CEP120: variants seen among roughly 807,000 people sequenced by gnomAD.
CEP120 encodes the protein centrosomal protein of 120 kDa.
Under a neutral mutation model 126.5 loss-of-function variants are expected in CEP120, and 113 were observed. The ratio of observed to expected loss-of-function variants is 0.89; its 90% CI spans 0.77 to 1.04. CEP120 has a LOEUF of 1.04. Ranked by LOEUF, CEP120 falls within the 50% of genes least tolerant of loss-of-function variation. The pLI is 0.00. For missense variants in CEP120, 1,230 were observed against 1,155.7 expected (o/e 1.06, Z -0.93); for synonymous variants, 400 against 394.3 (o/e 1.01, Z -0.17).
chr5:123,419,642 A>G (rs534944826), intron 1 of CEP120, among the ~76,000 whole-genome samples: 19 of 152,284 alleles, frequency 1.2e-4, no homozygotes, highest in African/African-American at 4.3e-4. Flanking sequence ...ACAACACTGT[A>G]CACTATCAGG....
chr5:123,408,688 T>C (rs1246367458), intron 4 of CEP120, among the ~76,000 whole-genome samples: 2 of 152,094 alleles, frequency 1.3e-5, no homozygotes, highest in African/African-American at 2.4e-5. Flanking sequence ...CACCAAACAT[T>C]TAAGGAAGAA....
rs748162358 is a variant in CEP120 at position 123,377,497 on chromosome 5, CTGACGTTCT to C, written c.2226_2234del (p.Glu743_Gln745del). 32 of 1,594,228 alleles carry C rather than the reference CTGACGTTCT, an allele frequency of 2.0e-5. No individual in the cohort carries two copies. Among genetic ancestry groups the C allele is most frequent in the Non-Finnish European group, 2.6e-5 (30 of 1,175,458 alleles). ...AGTCCTGCAGTTCTTGCAGGTTCCG[CTGACGTTCT>C]GATTGCAGTTCCTTTTTTTCTCTTT... On this transcript the variant is annotated inframe_deletion, in exon 16 of 20. Transcript: ENST00000306467.
chr5:123,398,932 C>G (rs1294492035), intron 5 of CEP120, among the ~76,000 whole-genome samples: 1 of 151,960 alleles, frequency 6.6e-6, no homozygotes, highest in Non-Finnish European at 1.5e-5. Context: ...GAGATTTATT[C>G]TCTTACAATC....
In CEP120 at chr5:123,406,574, T is replaced by C. The variant is rs1178754306; in HGVS notation, c.463+5825A>G. ...AAGCAAGAAGGGTAGAGTGAAGTAT[T>C]TACAATGTTGAGAAAAAAAAAAAAA... On this transcript the variant is annotated intron_variant, in intron 4 of 19. Transcript: ENST00000306467. Among the ~76,000 whole-genome samples the C allele has an allele frequency of 2.2e-5, 3 of 136,912 alleles. No individual in the cohort carries two copies. In the East Asian group the frequency reaches 6.4e-4, roughly 29 times the overall value. The allele number at this position is 136,912 out of a possible 152,430, so 89.8% of individuals were successfully genotyped here. A position where few individuals can be genotyped will look rare whatever the true frequency, so the allele number is the denominator to read the frequency against.
Position 123,390,123 on chromosome 5 carries a change from C to T in CEP120, c.1056G>A (p.Lys352=). 1 of 1,609,028 alleles carries T rather than the reference C, an allele frequency of 6.2e-7. No individual in the cohort carries two copies. The highest frequency in any genetic ancestry group is 1.7e-5 in the Admixed American group (1 of 59,176). ...GIDSQSLIEL[K]TQNEHEPEHS... ...GCTCTGGCTCATGTTCATTCTGGGT[C>T]TTTAATTCAATTAAAGACTAAAAAC... Residue 352 remains lysine (K), a synonymous_variant, in exon 8 of 20, where the codon AAG becomes AAA. Coordinates refer to ENST00000306467, the MANE Select transcript of CEP120 (RefSeq NM_001375405.1).
chr5:123,411,957 T>C (rs1017240555), intron 4 of CEP120, among the ~76,000 whole-genome samples: 3 of 152,196 alleles, frequency 2.0e-5, no homozygotes, highest in Non-Finnish European at 4.4e-5. Flanking sequence ...AGGGAGTATA[T>C]AGGAGAACTC....
In CEP120 at chr5:123,390,807, G is replaced by T. The variant is rs910582897; in HGVS notation, c.1038+303C>A. 4.2e-5 allele frequency: 11 copies of T among 260,966 alleles called. No individual in the cohort carries two copies. In the Admixed American group the frequency reaches 5.3e-4, roughly 13 times the overall value. 16.2% of individuals were successfully genotyped at this position (260,966 alleles called of 1,614,324 possible). On this transcript the variant is annotated intron_variant, in intron 7 of 19. Transcript: ENST00000306467. ...AGTAATGCAGATTCCCAGAAACTAG[G>T]TCTAAAAATGTTCTCTTTCACTGGA...
At chr5:123,358,185 T>G (rs1252702843) in intron 18 of CEP120, 1 of 152,060 alleles carries the variant, frequency 6.6e-6, no homozygotes, top group Non-Finnish European at 1.5e-5. Context: ...TTTTAATATA[T>G]CTTATGTTAC....
chr5:123,374,240 A>C (rs1187733371), intron 16 of CEP120, among the ~76,000 whole-genome samples: 1 of 151,970 alleles, frequency 6.6e-6, no homozygotes, highest in Non-Finnish European at 1.5e-5. Flanking sequence ...ACAACAACAA[A>C]AACTGAAAGT....
chr5:123,393,294 A>T lies in CEP120; in HGVS notation c.810+6T>A, dbSNP rs763821171. ...CCAGCTAAAAACGATTTGCTGCAATACTCACCTGCAGTTTAGACTGAAGAG... is the reference window on the plus strand; with the variant it reads ...CCAGCTAAAAACGATTTGCTGCAATTCTCACCTGCAGTTTAGACTGAAGAG... On this transcript the variant is annotated splice_donor_region_variant and intron_variant, in intron 6 of 19. Coordinates refer to ENST00000306467, the MANE Select transcript of CEP120 (RefSeq NM_001375405.1). 8.1e-6 allele frequency: 13 copies of T among 1,613,802 alleles called. No individual in the cohort carries two copies. Among genetic ancestry groups the T allele is most frequent in the South Asian group, 1.1e-5 (1 of 91,066 alleles).
At chr5:123,415,594 C>G (rs1774332548) in intron 3 of CEP120, among the ~76,000 whole-genome samples, 1 of 152,214 alleles carries the variant, frequency 6.6e-6, no homozygotes, top group African/African-American at 2.4e-5. Flanking sequence ...GCCATATTGG[C>G]TGGGTGCAGT....
In CEP120 at chr5:123,349,998, T is replaced by G. The variant is rs1769097040; in HGVS notation, c.2672A>C (p.Asp891Ala). Residue 891 changes from aspartate to alanine, a missense_variant, in exon 19 of 20, where the codon GAT becomes GCT. Coordinates refer to ENST00000306467, the MANE Select transcript of CEP120 (RefSeq NM_001375405.1). ...TTCTTGTCGCTCGGTTTTTACTGTA[T>G]CTTTTTCCTCAGCGGCAAGGTAACG... The part of the protein sequence containing the change: ...RLRYLAAEEK[D>A]TVKTERQELL... The G allele has an allele frequency of 6.2e-7, 1 of 1,613,764 alleles. No homozygotes were observed. Among genetic ancestry groups the G allele is most frequent in the Admixed American group, 1.7e-5 (1 of 59,960 alleles).
At chr5:123,392,403 C>T (rs1223345937) in intron 6 of CEP120, among the ~76,000 whole-genome samples, 1 of 152,190 alleles carries the variant, frequency 6.6e-6, no homozygotes, top group African/African-American at 2.4e-5. Context: ...CTGTCCATTA[C>T]TTTATTTTAA....
chr5:123,399,333 C>A lies in CEP120; in HGVS notation c.464-49G>T, dbSNP rs755471964. The stretch of plus-strand genomic sequence containing the variant: ...AACTACATTGTAGTTTGTCATAAAC[C>A]ATTATAAGATTTTTAAAACTGATTA... On this transcript the variant is annotated intron_variant, in intron 4 of 19. Transcript: ENST00000306467. The A allele has an allele frequency of 3.2e-6, 5 of 1,558,236 alleles. No homozygotes were observed. In the South Asian group the frequency reaches 5.7e-5, roughly 18 times the overall value.
intron 4 of CEP120, among the ~76,000 whole-genome samples, chr5:123,410,132 T>C (rs1468944575): frequency 6.6e-6 from 1 of 152,122 alleles, no homozygotes; most frequent in African/African-American, 2.4e-5. Flanking sequence ...AAAGAATTCG[T>C]ATATAAATCT....
chr5:123,364,402 C>A, intron 18 of CEP120, 94 bp downstream of exon 18: 1 of 567,780 alleles, frequency 1.8e-6, no homozygotes, highest in Middle Eastern at 3.0e-4. Flanking sequence ...TATTCAAATG[C>A]AGACATCAGA....
Position 123,396,028 on chromosome 5 carries a change from C to G in CEP120, c.613-2531G>C, listed in dbSNP as rs138071011. ...TTTTTTACTATAAAGATGGAGGTCT[C>G]GCTATGTTGCCCTGGCTGGTCTTGA... On this transcript the variant is annotated intron_variant, in intron 5 of 19. Coordinates refer to ENST00000306467, the MANE Select transcript of CEP120 (RefSeq NM_001375405.1). Among the ~76,000 whole-genome samples, 434 of 146,200 alleles carry G rather than the reference C, an allele frequency of 3.0e-3. 2 individuals are homozygous for G. Among genetic ancestry groups the G allele is most frequent in the East Asian group, 0.012 (58 of 5,020 alleles).
At chr5:123,352,290 G>C (rs540059077) in intron 18 of CEP120, among the ~76,000 whole-genome samples, 1 of 151,898 alleles carries the variant, frequency 6.6e-6, no homozygotes. Context: ...TTTTAACATA[G>C]TTCAGATTTT....
At chr5:123,386,926 A>C (rs1157213523) in intron 9 of CEP120, among the ~76,000 whole-genome samples, 1 of 152,104 alleles carries the variant, frequency 6.6e-6, no homozygotes, top group Non-Finnish European at 1.5e-5. Context: ...ATGCTTCCTA[A>C]ATTTATTTGT....
Sources: allele counts gnomAD v4.1 joint callset (sites outside exome capture counted in the v4.1 genomes callset), GRCh38; gene constraint gnomAD v4.1.1; transcripts MANE v1.5; gene names NCBI Gene and HGNC (gene_info 2026-07-23, HGNC 2026-07-21).